The following CNTNAP3 variants were observed in gnomAD, a reference collection of about 807,000 sequenced individuals.
CNTNAP3 encodes the protein contactin-associated protein-like 3.
A neutral mutation model predicts 92.1 loss-of-function variants in CNTNAP3; 36 were observed. The observed-to-expected ratio is 0.39, with a 90% confidence interval of 0.30 to 0.52. The LOEUF is 0.52. Among genes scored for constraint, CNTNAP3 ranks in the 20% least tolerant of loss-of-function variants. The probability of loss-of-function intolerance (pLI) is 0.76; values close to 1 mark genes in which losing one functional copy is unlikely to be tolerated. For missense variants in CNTNAP3, 534 were observed against 1,069.6 expected, an observed-to-expected ratio of 0.50 and a Z score of 6.98; for synonymous variants, 232 against 422.3, an observed-to-expected ratio of 0.55 and a Z score of 5.53.
chr9:39,109,797 A>G (rs979010109), intron 14 of CNTNAP3, among the ~76,000 whole-genome samples: 5 of 152,202 alleles, frequency 3.3e-5, no homozygotes, highest in African/African-American at 1.2e-4. Flanking sequence ...AAATGATTAC[A>G]GAGAAGGGGA....
intron 18 of CNTNAP3, among the ~76,000 whole-genome samples, chr9:39,098,672 G>A (rs1371544651): frequency 6.6e-6 from 1 of 152,118 alleles, no homozygotes; most frequent in Non-Finnish European, 1.5e-5. Flanking sequence ...AGAGCTATGA[G>A]ATTTGTTAGC....
intron 12 of CNTNAP3, among the ~76,000 whole-genome samples, chr9:39,139,097 A>T (rs955841452): frequency 1.3e-5 from 2 of 152,156 alleles, no homozygotes; most frequent in Non-Finnish European, 2.9e-5. Context: ...ATTACTGGCT[A>T]TAGCGCAATG....
intron 13 of CNTNAP3, among the ~76,000 whole-genome samples, chr9:39,131,065 TTG>T (rs1821281698): frequency 6.6e-6 from 1 of 151,784 alleles, no homozygotes; most frequent in African/African-American, 2.4e-5. Context: ...ATTCCATTTC[TTG>T]TGTTATTTTA....
chr9:39,162,745 T>C (rs1245845700), intron 9 of CNTNAP3, among the ~76,000 whole-genome samples: 1 of 143,180 alleles, frequency 7.0e-6, no homozygotes, highest in Non-Finnish European at 1.5e-5. Context: ...TATTCTGACT[T>C]AGGAGTGGGA....
At chr9:39,115,578 G>T (rs1202472998) in intron 14 of CNTNAP3, among the ~76,000 whole-genome samples, 1 of 144,936 alleles carries the variant, frequency 6.9e-6, no homozygotes, top group Non-Finnish European at 1.5e-5. Context: ...GGATAGACCT[G>T]TCTACTGGAA....
chr9:39,082,268 G>A (rs1825962749), intron 21 of CNTNAP3, among the ~76,000 whole-genome samples: 1 of 151,596 alleles, frequency 6.6e-6, no homozygotes, highest in South Asian at 2.1e-4. Flanking sequence ...AAGTTCTATT[G>A]GACAGCATTA....
intron 18 of CNTNAP3, among the ~76,000 whole-genome samples, chr9:39,091,171 C>CTTTTTTTTTTTTTT (rs201329360): frequency 8.6e-5 from 11 of 128,496 alleles, no homozygotes; most frequent in African/African-American, 1.1e-4. Flanking sequence ...TTTTCTTCTT[C>CTTTTTTTTTTTTTT]TTTTTTTTTT....
intron 4 of CNTNAP3, among the ~76,000 whole-genome samples, chr9:39,179,367 G>C (rs1822408885): frequency 1.1e-5 from 1 of 88,830 alleles, no homozygotes; most frequent in Non-Finnish European, 2.2e-5. Flanking sequence ...TATTGGTTCT[G>C]TTTCTCTGGA....
intron 7 of CNTNAP3, chr9:39,174,650 C>G (rs1822300583): frequency 5.8e-6 from 4 of 691,654 alleles, no homozygotes; most frequent in Non-Finnish European, 1.1e-5. Flanking sequence ...CCCTTTAACC[C>G]CAACTTGGAT....
intron 13 of CNTNAP3, among the ~76,000 whole-genome samples, chr9:39,119,563 T>G (rs1253117842): frequency 2.0e-5 from 3 of 152,138 alleles, no homozygotes; most frequent in Non-Finnish European, 4.4e-5. Context: ...TATATCCTAA[T>G]GTACAAGTGT....
In CNTNAP3 at chr9:39,118,417, G is replaced by A. The variant is rs114407902; in HGVS notation, c.2081-158C>T. 2.8e-3 allele frequency among the ~76,000 whole-genome samples: 422 copies of A among 152,218 alleles called. 3 individuals are homozygous for A. Among genetic ancestry groups the A allele is most frequent in the African/African-American group, 9.5e-3 (396 of 41,528 alleles). On this transcript the variant is annotated intron_variant, in intron 13 of 23. Transcript: ENST00000297668. ...AATACTTGTATTTTACCTCTGAAAC[G>A]TTTATTTAAGCCTAACCAATGTTTT...
chr9:39,254,814 A>T lies in CNTNAP3; in HGVS notation c.196+12082T>A, dbSNP rs1304437692. Among the ~76,000 whole-genome samples, 31 of 24,914 alleles carry T rather than the reference A, an allele frequency of 1.2e-3. 14 individuals are homozygous for T. The highest frequency in any genetic ancestry group is 2.6e-3 in the African/African-American group (29 of 11,340). 16.3% of individuals were successfully genotyped at this position (24,914 alleles called of 152,430 possible). On this transcript the variant is annotated intron_variant, in intron 2 of 23. Coordinates refer to ENST00000297668, the MANE Select transcript of CNTNAP3 (RefSeq NM_033655.5). ...TTTAAATTGAATAATTGTGACACAG[A>T]GAATGAGAAATGCATTAATCTTATT...
At chr9:39,099,519 C>T (rs1268280501) in intron 18 of CNTNAP3, among the ~76,000 whole-genome samples, 1 of 152,140 alleles carries the variant, frequency 6.6e-6, no homozygotes, top group Non-Finnish European at 1.5e-5. Flanking sequence ...AGTTCAAGTC[C>T]AGCCTGGGCA....
Position 39,068,570 on chromosome 9 carries a change from T to C in CNTNAP3, c.*5320A>G, listed in dbSNP as rs995198066. 6.6e-6 allele frequency among the ~76,000 whole-genome samples: 1 copy of C among 152,408 alleles called. No homozygotes were observed. Among genetic ancestry groups the C allele is most frequent in the South Asian group, 2.1e-4 (1 of 4,812 alleles). Reference sequence around the variant, plus strand: ...AATTCTTTTGAGTGTTTCTTTCCCTTGCCTCAGGTAGTTTCATGCACTTTG... The same window carrying C: ...AATTCTTTTGAGTGTTTCTTTCCCTCGCCTCAGGTAGTTTCATGCACTTTG... On this transcript the variant is annotated 3_prime_UTR_variant, in exon 24 of 24. Transcript: ENST00000297668.
chr9:39,134,923 A>G (rs1374690400), intron 12 of CNTNAP3, among the ~76,000 whole-genome samples: 8 of 151,880 alleles, frequency 5.3e-5, no homozygotes, highest in South Asian at 2.1e-4. Context: ...ATGATGGTCC[A>G]GAGTAGTTCA....
At chr9:39,149,373 G>A (rs1232463003) in intron 10 of CNTNAP3, among the ~76,000 whole-genome samples, 3 of 150,642 alleles carry the variant, frequency 2.0e-5, no homozygotes, top group South Asian at 2.1e-4. Flanking sequence ...TTTTTGAGAC[G>A]CAGTCTCGCT....
intron 15 of CNTNAP3, 82 bp from the exon 16 acceptor site, chr9:39,103,996 T>A: frequency 6.7e-7 from 1 of 1,503,654 alleles, no homozygotes; most frequent in East Asian, 2.3e-5. Context: ...TACAGGATTA[T>A]GACTGCTAAA....
At chr9:39,103,640 AAT>A in intron 16 of CNTNAP3, 102 bp downstream of exon 16, 1 of 1,313,660 alleles carries the variant, frequency 7.6e-7, no homozygotes, top group Non-Finnish European at 1.0e-6. Context: ...TTTATAATGA[AAT>A]AGAATCACAA....
rs1266937759 is a variant in CNTNAP3 at position 39,069,150 on chromosome 9, T to C, written c.*4740A>G. Reference sequence around the variant, plus strand: ...GAACATTGTAGATTGGAGCATATTATGGGAGCAAGGCAACCTGTAGAATTG... The same window carrying C: ...GAACATTGTAGATTGGAGCATATTACGGGAGCAAGGCAACCTGTAGAATTG... On this transcript the variant is annotated 3_prime_UTR_variant, in exon 24 of 24. Transcript: ENST00000297668. 2.6e-5 allele frequency among the ~76,000 whole-genome samples: 4 copies of C among 151,898 alleles called. No homozygotes were observed. The highest frequency in any genetic ancestry group is 1.9e-4 in the East Asian group (1 of 5,208).
Sources: gnomAD v4.1 joint callset for allele counts (sites outside exome capture counted in the v4.1 genomes callset) on GRCh38, gnomAD v4.1.1 for gene constraint, MANE v1.5 for transcripts, NCBI Gene and HGNC (gene_info 2026-07-23, HGNC 2026-07-21) for gene names.